The following ITGB3 variants were observed in gnomAD, a reference collection of about 807,000 sequenced individuals.
ITGB3 encodes the protein integrin beta-3.
Under a neutral mutation model 85.8 loss-of-function variants are expected in ITGB3, and 48 were observed. The ratio of observed to expected loss-of-function variants is 0.56; its 90% CI spans 0.44 to 0.71. The LOEUF is 0.71. Among genes scored for constraint, ITGB3 ranks in the 30% least tolerant of loss-of-function variants. ITGB3 has a pLI of 0.00. For missense variants in ITGB3, 861 were observed against 1,019.1 expected, an observed-to-expected ratio of 0.84 and a Z score of 2.11; for synonymous variants, 363 against 395.6, an observed-to-expected ratio of 0.92 and a Z score of 0.98.
At chr17:47,302,868 C>T (rs755945480) in intron 13 of ITGB3, 28 bp downstream of exon 13, 1 of 1,613,810 alleles carries the variant, frequency 6.2e-7, no homozygotes. Context: ...GCTCCCGGCC[C>T]TGCCCCAGGA....
Position 47,310,288 on chromosome 17 carries a change from T to C in ITGB3, c.*84T>C. 7.4e-7 allele frequency: 1 copy of C among 1,358,120 alleles called. No homozygotes were observed. The highest frequency in any genetic ancestry group is 1.1e-6 in the Non-Finnish European group (1 of 950,506). 84.1% of individuals were successfully genotyped at this position (1,358,120 alleles called of 1,614,324 possible). On this transcript the variant is annotated 3_prime_UTR_variant, in exon 15 of 15. Coordinates refer to ENST00000559488, the MANE Select transcript of ITGB3 (RefSeq NM_000212.3). Reference sequence around the variant, plus strand: ...CCATCATGTTTACAGAGGACAGTATTTGTGGGGAGGGATTTGGGGCTCAGA... The same window carrying C: ...CCATCATGTTTACAGAGGACAGTATCTGTGGGGAGGGATTTGGGGCTCAGA...
At chr17:47,282,615 C>T (rs980319907) in intron 2 of ITGB3, among the ~76,000 whole-genome samples, 6 of 152,176 alleles carry the variant, frequency 3.9e-5, no homozygotes, top group Non-Finnish European at 7.4e-5. Context: ...CACTGCCTTT[C>T]CCTATCACAT....
chr17:47,275,729 C>T (rs989045399), intron 2 of ITGB3, among the ~76,000 whole-genome samples: 1 of 152,240 alleles, frequency 6.6e-6, no homozygotes, highest in Non-Finnish European at 1.5e-5. Flanking sequence ...AGGCCAGCTC[C>T]GCACGTTGCT....
In ITGB3 at chr17:47,311,972, G is replaced by T. The variant is rs889455128; in HGVS notation, c.*1768G>T. 1.3e-5 allele frequency among the ~76,000 whole-genome samples: 2 copies of T among 152,192 alleles called. No individual in the cohort carries two copies. Among genetic ancestry groups the T allele is most frequent in the African/African-American group, 4.8e-5 (2 of 41,450 alleles). ...TCTTTCAGTATCAACATTCTAAGAT[G>T]CTGGGACTTACTGTGTCATCAAATG... On this transcript the variant is annotated 3_prime_UTR_variant, in exon 15 of 15. Transcript: ENST00000559488.
chr17:47,258,501 A>G (rs2064998212), intron 1 of ITGB3, among the ~76,000 whole-genome samples: 1 of 151,766 alleles, frequency 6.6e-6, no homozygotes, highest in Admixed American at 6.6e-5. Flanking sequence ...TTTTTAGTGC[A>G]TACAGTTCTA....
chr17:47,313,491 C>T lies in ITGB3; in HGVS notation c.*3287C>T, dbSNP rs981551970. 5.2e-4 allele frequency among the ~76,000 whole-genome samples: 79 copies of T among 151,668 alleles called. No individual in the cohort carries two copies. The highest frequency in any genetic ancestry group is 9.3e-4 in the Non-Finnish European group (63 of 67,938). Reference sequence around the variant, plus strand: ...CCTCCCGAGTAGCTGGGATTACAGGCACCTGCCACCACGCCCGGCTAATTT... The same window carrying T: ...CCTCCCGAGTAGCTGGGATTACAGGTACCTGCCACCACGCCCGGCTAATTT... On this transcript the variant is annotated 3_prime_UTR_variant, in exon 15 of 15. Coordinates refer to ENST00000559488, the MANE Select transcript of ITGB3 (RefSeq NM_000212.3).
intron 4 of ITGB3, 95 bp from the exon 5 acceptor site, chr17:47,286,165 C>T: frequency 7.1e-7 from 1 of 1,410,348 alleles, no homozygotes; most frequent in Non-Finnish European, 1.0e-6. Context: ...CCTTGGCATA[C>T]CACTATCTAT....
chr17:47,307,722 CA>C lies in ITGB3; in HGVS notation c.2301+86del. ...AGCAGATGCTTTGGGTGGTCATGTT[CA>C]GCCAGTACCATCGTCTTTCCATTAT... On this transcript the variant is annotated intron_variant, in intron 14 of 14. Transcript: ENST00000559488. 3 of 1,263,592 alleles carry C rather than the reference CA, an allele frequency of 2.4e-6. No individual in the cohort carries two copies. In the South Asian group the frequency reaches 3.8e-5, roughly 16 times the overall value. 78.3% of individuals were successfully genotyped at this position (1,263,592 alleles called of 1,614,324 possible).
chr17:47,290,502 G>A (rs918429098), intron 8 of ITGB3, among the ~76,000 whole-genome samples: 2 of 145,888 alleles, frequency 1.4e-5, no homozygotes, highest in Non-Finnish European at 3.1e-5. Flanking sequence ...ATGGGGATGG[G>A]GATGGTGATT....
chr17:47,296,009 G>C, intron 10 of ITGB3, among the ~76,000 whole-genome samples: 1 of 152,220 alleles, frequency 6.6e-6, no homozygotes, highest in East Asian at 1.9e-4. Flanking sequence ...AGGCTGGAGG[G>C]CATCTGGCTG....
chr17:47,303,440 G>A (rs925527808), intron 13 of ITGB3: 1 of 152,826 alleles, frequency 6.5e-6, no homozygotes. Flanking sequence ...AATATATCAC[G>A]CATTTTTTTG....
chr17:47,256,310 T>TA (rs889405989), intron 1 of ITGB3, among the ~76,000 whole-genome samples: 15 of 151,232 alleles, frequency 9.9e-5, no homozygotes, highest in Middle Eastern at 3.5e-3. Context: ...TACTAAAAAT[T>TA]AAAAAAAAAT....
chr17:47,290,375 C>T (rs1036254386), intron 8 of ITGB3, 101 bp downstream of exon 8: 3 of 977,390 alleles, frequency 3.1e-6, no homozygotes, highest in African/African-American at 1.6e-5. Context: ...GTCTACCACA[C>T]GGTCTTACTG....
intron 1 of ITGB3, among the ~76,000 whole-genome samples, chr17:47,262,726 C>A (rs2065012729): frequency 6.6e-6 from 1 of 152,130 alleles, no homozygotes; most frequent in Non-Finnish European, 1.5e-5. Flanking sequence ...AGAGTGATTT[C>A]TTCACTATAT....
intron 1 of ITGB3, among the ~76,000 whole-genome samples, chr17:47,264,232 G>T (rs2143041225): frequency 6.6e-6 from 1 of 152,282 alleles, no homozygotes; most frequent in South Asian, 2.1e-4. Context: ...CCTCTAGTCA[G>T]CAAATGGCAG....
At chr17:47,296,960 C>T (rs1043138763) in intron 10 of ITGB3, among the ~76,000 whole-genome samples, 1 of 152,216 alleles carries the variant, frequency 6.6e-6, no homozygotes, top group Admixed American at 6.5e-5. Context: ...TAGTTCAGAA[C>T]ATTTGACTCC....
chr17:47,268,736 G>T (rs944213424), intron 1 of ITGB3, among the ~76,000 whole-genome samples: 1 of 152,212 alleles, frequency 6.6e-6, no homozygotes, highest in African/African-American at 2.4e-5. Flanking sequence ...GGCACATGGT[G>T]CAGGCTGTCA....
intron 12 of ITGB3, among the ~76,000 whole-genome samples, chr17:47,301,669 A>T (rs2065167810): frequency 6.6e-6 from 1 of 152,112 alleles, no homozygotes; most frequent in Non-Finnish European, 1.5e-5. Context: ...GTGTGGAAAT[A>T]AGCATATTAA....
intron 2 of ITGB3, among the ~76,000 whole-genome samples, chr17:47,280,584 T>G (rs984444388): frequency 6.6e-6 from 1 of 152,204 alleles, no homozygotes; most frequent in Non-Finnish European, 1.5e-5. Flanking sequence ...CCGGAACTCC[T>G]GAGCTCAAGT....
Sources: gnomAD v4.1 joint callset for allele counts (sites outside exome capture counted in the v4.1 genomes callset) on GRCh38, gnomAD v4.1.1 for gene constraint, MANE v1.5 for transcripts, NCBI Gene and HGNC (gene_info 2026-07-23, HGNC 2026-07-21) for gene names.